GRID1: variants seen among roughly 807,000 people sequenced by gnomAD.
GRID1 encodes the protein glutamate receptor ionotropic, delta-1.
Under a neutral mutation model 98.0 loss-of-function variants are expected in GRID1, and 28 were observed. That is an observed-to-expected ratio of 0.29 (90% CI 0.21 to 0.39). The LOEUF (loss-of-function observed/expected upper bound fraction) is 0.39, where lower values mean the gene tolerates loss of function less well. GRID1 is among the 10% of genes least tolerant of loss of function. The pLI, the probability that GRID1 is intolerant of heterozygous loss-of-function variation, is 1.00. For synonymous variants in GRID1, 553 were observed against 538.5 expected, an observed-to-expected ratio of 1.03 and a Z score of -0.37; for missense variants, 1,111 against 1,340.5, an observed-to-expected ratio of 0.83 and a Z score of 2.67.
chr10:86,201,221 T>TA (rs1845946160), intron 3 of GRID1, among the ~76,000 whole-genome samples: 1 of 152,118 alleles, frequency 6.6e-6, no homozygotes, highest in Admixed American at 6.5e-5. Flanking sequence ...AGTGCAGCAA[T>TA]AAAAATGATT....
intron 3 of GRID1, among the ~76,000 whole-genome samples, chr10:86,205,849 C>T (rs1386408746): frequency 6.6e-6 from 1 of 152,118 alleles, no homozygotes; most frequent in East Asian, 1.9e-4. Context: ...CAGCCCTACC[C>T]AGTGTTCCCA....
intron 2 of GRID1, among the ~76,000 whole-genome samples, chr10:86,338,306 G>A (rs915938574): frequency 2.0e-5 from 3 of 152,258 alleles, no homozygotes; most frequent in Admixed American, 6.5e-5. Flanking sequence ...TTCCCCTCGA[G>A]TGGAAAGGGA....
chr10:85,686,695 T>G (rs2132604626), intron 12 of GRID1, among the ~76,000 whole-genome samples: 1 of 152,168 alleles, frequency 6.6e-6, no homozygotes, highest in African/African-American at 2.4e-5. Flanking sequence ...TCAAAGATAT[T>G]AAGAAATTAA....
chr10:86,328,091 T>C lies in GRID1; in HGVS notation c.235+35850A>G, dbSNP rs545197209. Reference sequence around the variant, plus strand: ...TGAAATGTGGTGGATTTATATGAAATAGCACAGCAAGCTCACCAAGACATT... The same window carrying C: ...TGAAATGTGGTGGATTTATATGAAACAGCACAGCAAGCTCACCAAGACATT... On this transcript the variant is annotated intron_variant, in intron 2 of 15. Coordinates refer to ENST00000327946, the MANE Select transcript of GRID1 (RefSeq NM_017551.3). Among the ~76,000 whole-genome samples, 43 of 152,312 alleles carry C rather than the reference T, an allele frequency of 2.8e-4. No individual in the cohort carries two copies. In the East Asian group the frequency reaches 7.5e-3, roughly 27 times the overall value.
chr10:85,828,972 T>C (rs904548723), intron 8 of GRID1, among the ~76,000 whole-genome samples: 1 of 152,134 alleles, frequency 6.6e-6, no homozygotes, highest in Non-Finnish European at 1.5e-5. Flanking sequence ...GCTGGCATCA[T>C]TCTAATACCA....
At chr10:85,674,568 A>G (rs1471294562) in intron 12 of GRID1, among the ~76,000 whole-genome samples, 1 of 152,208 alleles carries the variant, frequency 6.6e-6, no homozygotes, top group Non-Finnish European at 1.5e-5. Flanking sequence ...GCAATTAACT[A>G]TCCTCATTTG....
rs896369193 is a variant in GRID1 at position 86,109,583 on chromosome 10, T to C, written c.726+29236A>G. Among the ~76,000 whole-genome samples the C allele has an allele frequency of 2.0e-5, 3 of 152,232 alleles. No individual in the cohort carries two copies. In the South Asian group the frequency reaches 6.2e-4, roughly 31 times the overall value. On this transcript the variant is annotated intron_variant, in intron 4 of 15. Coordinates refer to ENST00000327946, the MANE Select transcript of GRID1 (RefSeq NM_017551.3). ...TGCCACTGCAGGCACACCCCAGCTA[T>C]AAGCCAGGCCTGCCATTGGACATAG...
intron 4 of GRID1, among the ~76,000 whole-genome samples, chr10:86,091,899 T>G (rs1844154976): frequency 6.6e-6 from 1 of 152,190 alleles, no homozygotes; most frequent in Non-Finnish European, 1.5e-5. Flanking sequence ...ATCACTGTAG[T>G]TCGGCTCACA....
intron 4 of GRID1, among the ~76,000 whole-genome samples, chr10:86,100,003 C>T (rs1304006219): frequency 6.6e-6 from 1 of 152,146 alleles, no homozygotes. Context: ...GGGAAGGAGG[C>T]CAGAGCCTGG....
chr10:86,145,371 CG>C (rs1226481685), intron 3 of GRID1, among the ~76,000 whole-genome samples: 1 of 152,130 alleles, frequency 6.6e-6, no homozygotes, highest in East Asian at 1.9e-4. Flanking sequence ...TACAGACACC[CG>C]CCACCACGCC....
intron 2 of GRID1, among the ~76,000 whole-genome samples, chr10:86,358,033 G>A (rs1032198166): frequency 1.3e-5 from 2 of 152,122 alleles, no homozygotes; most frequent in South Asian, 2.1e-4. Context: ...CTGACTATTC[G>A]AACAGCAGTT....
chr10:86,268,176 T>A (rs1184302596), intron 2 of GRID1, among the ~76,000 whole-genome samples: 1 of 152,180 alleles, frequency 6.6e-6, no homozygotes, highest in Non-Finnish European at 1.5e-5. Flanking sequence ...ATGGGAGCTT[T>A]CAGGGTATCC....
chr10:85,980,208 G>T (rs569016611), intron 4 of GRID1, among the ~76,000 whole-genome samples: 12 of 152,208 alleles, frequency 7.9e-5, no homozygotes, highest in Non-Finnish European at 1.8e-4. Context: ...CCCAGGGTGG[G>T]ATTCCCCCAT....
At chr10:85,881,787 A>G (rs1313702294) in intron 5 of GRID1, among the ~76,000 whole-genome samples, 1 of 152,180 alleles carries the variant, frequency 6.6e-6, no homozygotes, top group Non-Finnish European at 1.5e-5. Context: ...ATCTAATTAA[A>G]CTAAAGAGCT....
chr10:85,643,409 C>A (rs1487240929), intron 13 of GRID1, among the ~76,000 whole-genome samples: 1 of 152,162 alleles, frequency 6.6e-6, no homozygotes, highest in Non-Finnish European at 1.5e-5. Flanking sequence ...GTCATCCTCA[C>A]TTAGGGCACA....
chr10:85,762,420 A>C (rs1842155888), intron 8 of GRID1, among the ~76,000 whole-genome samples: 1 of 152,314 alleles, frequency 6.6e-6, no homozygotes, highest in East Asian at 1.9e-4. Context: ...TGTTACAGTC[A>C]TTTGATGGTA....
chr10:85,825,408 T>C (rs1253101024), intron 8 of GRID1, among the ~76,000 whole-genome samples: 1 of 152,158 alleles, frequency 6.6e-6, no homozygotes, highest in African/African-American at 2.4e-5. Flanking sequence ...GCTGATTTAT[T>C]TGAGCTTCTT....
chr10:85,846,505 CAG>C (rs1345786245), intron 8 of GRID1, among the ~76,000 whole-genome samples: 1 of 152,050 alleles, frequency 6.6e-6, no homozygotes, highest in Non-Finnish European at 1.5e-5. Flanking sequence ...GCCTGGGCAA[CAG>C]AGTGAGACTG....
chr10:86,023,306 G>A (rs1000762975), intron 4 of GRID1, among the ~76,000 whole-genome samples: 2 of 152,204 alleles, frequency 1.3e-5, no homozygotes, highest in African/African-American at 2.4e-5. Context: ...ATCCACACCA[G>A]CAACCAATAT....
Sources: gnomAD v4.1 joint callset for allele counts (sites outside exome capture counted in the v4.1 genomes callset) on GRCh38, gnomAD v4.1.1 for gene constraint, MANE v1.5 for transcripts, NCBI Gene and HGNC (gene_info 2026-07-23, HGNC 2026-07-21) for gene names.